USH1C: variants seen among roughly 807,000 people sequenced by gnomAD.
The protein encoded by USH1C is harmonin.
A neutral mutation model predicts 119.3 loss-of-function variants in USH1C; 90 were observed. That is an observed-to-expected ratio of 0.75 (90% confidence interval 0.64 to 0.90). USH1C has a LOEUF of 0.90. Among genes scored for constraint, USH1C ranks in the 40% least tolerant of loss-of-function variants. The probability of loss-of-function intolerance (pLI) is 0.00; values close to 1 mark genes in which losing one functional copy is unlikely to be tolerated. For synonymous variants in USH1C, 465 were observed against 443.3 expected (o/e 1.05, Z -0.62); for missense variants, 1,165 against 1,167.7 (o/e 1.00, Z 0.03).
At chr11:17,526,260 G>A (rs1203019625) in intron 8 of USH1C, 87 bp downstream of exon 8, 13 of 1,146,956 alleles carry the variant, frequency 1.1e-5, no homozygotes, top group Middle Eastern at 2.1e-4. Context: ...AGGTTTCCTC[G>A]GAAGTGGCAG....
chr11:17,519,026 A>G (rs1850291620), intron 14 of USH1C, among the ~76,000 whole-genome samples: 1 of 103,872 alleles, frequency 9.6e-6, no homozygotes, highest in Admixed American at 1.0e-4. Flanking sequence ...TGTCTCAAGA[A>G]AAAAAAAAAA....
At chr11:17,526,707 G>T in intron 7 of USH1C, 46 bp downstream of exon 7, 1 of 1,596,798 alleles carries the variant, frequency 6.3e-7, no homozygotes, top group Non-Finnish European at 8.6e-7. Context: ...ACCCCTCCTT[G>T]AAGATGACCC....
At position 17,523,522 on chromosome 11, in the gene USH1C, T is replaced by C. The variant is rs200118317; in HGVS notation, c.760-44A>G. On this transcript the variant is annotated intron_variant, in intron 9 of 26. Coordinates refer to ENST00000005226, the MANE Select transcript of USH1C (RefSeq NM_153676.4). ...AAGATTAGTGTGTTTGCGCTATCTG[T>C]ACACTCGCTCATCTGCAGGACAGGC... 1.7e-5 allele frequency: 27 copies of C among 1,601,638 alleles called. No homozygotes were observed. In the East Asian group the frequency reaches 6.0e-4, roughly 36 times the overall value.
chr11:17,515,675 A>G (rs1329648762), intron 15 of USH1C, among the ~76,000 whole-genome samples: 4 of 152,226 alleles, frequency 2.6e-5, no homozygotes, highest in Admixed American at 1.3e-4. Flanking sequence ...AGGCCTGGAG[A>G]TATTGTAATA....
chr11:17,504,274 G>A (rs1038116595), intron 20 of USH1C, among the ~76,000 whole-genome samples: 1 of 152,196 alleles, frequency 6.6e-6, no homozygotes, highest in Non-Finnish European at 1.5e-5. Context: ...AAGGTACAGG[G>A]AGACACCTAA....
At chr11:17,518,688 T>C (rs1380276009) in intron 14 of USH1C, among the ~76,000 whole-genome samples, 2 of 152,178 alleles carry the variant, frequency 1.3e-5, no homozygotes, top group African/African-American at 4.8e-5. Context: ...CTTCATTTTC[T>C]AGGTAAGAGA....
At chr11:17,511,773 G>T in intron 16 of USH1C, 129 bp downstream of exon 16, 1 of 1,120,250 alleles carries the variant, frequency 8.9e-7, no homozygotes, top group East Asian at 2.4e-5. Flanking sequence ...CTGGGGAGCA[G>T]GAAAGGGCTC....
chr11:17,536,613 T>C (rs1404770544), intron 1 of USH1C, among the ~76,000 whole-genome samples: 1 of 152,176 alleles, frequency 6.6e-6, no homozygotes, highest in Non-Finnish European at 1.5e-5. Flanking sequence ...CTGAGACAGC[T>C]GCAGAGCTCA....
chr11:17,518,924 G>A (rs1219203604), intron 14 of USH1C, among the ~76,000 whole-genome samples: 3 of 152,144 alleles, frequency 2.0e-5, no homozygotes, highest in Admixed American at 2.0e-4. Flanking sequence ...GAGGCTTTGA[G>A]GCAGGAGAAT....
intron 11 of USH1C, 110 bp from the exon 12 acceptor site, chr11:17,523,036 G>A: frequency 2.5e-6 from 4 of 1,584,934 alleles, no homozygotes; most frequent in Non-Finnish European, 3.5e-6. Context: ...ATCAGGCACT[G>A]CGGCTCCCGC....
rs1256576403 is a variant in USH1C at position 17,531,437 on chromosome 11, G to C, written c.210C>G (p.His70Gln). ...DAIRPLIPLK[H>Q]QVEYDQLTPR... ...GGGTCAGCTGATCATATTCCACCTG[G>C]TGCTTCAGTGGGATCAGCGGCCGAA... The change falls in exon 3 of 27, where the codon CAC becomes CAG. Residue 70 changes from histidine to glutamine, a missense_variant. Transcript: ENST00000005226. This position sits in a 1 kb window ranked among gnomAD's most constrained non-coding sequence, Gnocchi z 4.2. 6.2e-7 allele frequency: 1 copy of C among 1,614,022 alleles called. No individual in the cohort carries two copies. The highest frequency in any genetic ancestry group is 2.2e-5 in the East Asian group (1 of 44,864).
intron 1 of USH1C, among the ~76,000 whole-genome samples, chr11:17,543,918 C>A (rs2133972728): frequency 6.6e-6 from 1 of 152,342 alleles, no homozygotes; most frequent in East Asian, 1.9e-4. Flanking sequence ...CAGCCCTGAG[C>A]TGGGGGCACT....
Position 17,521,383 on chromosome 11 carries a change from C to T in USH1C, c.1048G>A (p.Ala350Thr). 1 of 1,614,194 alleles carries T rather than the reference C, an allele frequency of 6.2e-7. No homozygotes were observed. The highest frequency in any genetic ancestry group is 8.5e-7 in the Non-Finnish European group (1 of 1,180,038). Reference sequence around the variant, plus strand: ...TTCCGGTATCTCTCATTTTCCTCTGCTGCCTTCTGGGCAATTTCTTTTCTC... The same window carrying T: ...TTCCGGTATCTCTCATTTTCCTCTGTTGCCTTCTGGGCAATTTCTTTTCTC... ...QRRKEIAQKA[A>T]EENERYRKEM... Residue 350 changes from alanine (A) to threonine (T), a missense_variant, in exon 13 of 27, where the codon GCA becomes ACA. Physicochemically the swap from Ala to Thr is moderately conservative, Grantham distance 58. Coordinates refer to ENST00000005226, the MANE Select transcript of USH1C (RefSeq NM_153676.4).
chr11:17,496,942 A>AGGTGGG, intron 24 of USH1C, 129 bp from the exon 25 acceptor site: 10 of 1,022,680 alleles, frequency 9.8e-6, no homozygotes, highest in African/African-American at 1.6e-5. Flanking sequence ...CCACGGGCCC[A>AGGTGGG]CCTGGGGCCC....
intron 11 of USH1C, 36 bp from the exon 12 acceptor site, chr11:17,522,962 G>C (rs781657359): frequency 1.3e-6 from 2 of 1,599,224 alleles, no homozygotes; most frequent in Non-Finnish European, 8.5e-7. Context: ...CTCAGCCCCC[G>C]GGGAACCTGG....
chr11:17,537,585 T>C (rs906094441), intron 1 of USH1C, among the ~76,000 whole-genome samples: 4 of 152,184 alleles, frequency 2.6e-5, no homozygotes, highest in Non-Finnish European at 4.4e-5. Context: ...CTCCCCTTAG[T>C]TCACTTCCAA....
At chr11:17,524,611 G>A in intron 8 of USH1C, 76 bp from the exon 9 acceptor site, 1 of 1,503,690 alleles carries the variant, frequency 6.7e-7, no homozygotes, top group Non-Finnish European at 9.1e-7. Context: ...TCACTCATGA[G>A]CTGAGGACTG....
Position 17,531,534 on chromosome 11 carries a change from T to G in USH1C, c.113A>C (p.Asp38Ala), listed in dbSNP as rs1029936477. The G allele has an allele frequency of 1.2e-6, 2 of 1,613,130 alleles. No individual in the cohort carries two copies. Among genetic ancestry groups the G allele is most frequent in the Non-Finnish European group, 1.7e-6 (2 of 1,180,008 alleles). Residue 38 changes from aspartate (D) to alanine (A), a missense_variant, in exon 3 of 27, where the codon GAC (aspartate) becomes GCC (alanine). Asp to Ala is a moderately radical substitution (Grantham distance 126). Coordinates refer to ENST00000005226, the MANE Select transcript of USH1C (RefSeq NM_153676.4). This position sits in a 1 kb window ranked among gnomAD's most constrained non-coding sequence, Gnocchi z 4.2. ...CAGGTCTCCCACGAGCACGGCCACGTCCATGGTCCTGTGGAGATGCCGGGA... is the reference window on the plus strand; with the variant it reads ...CAGGTCTCCCACGAGCACGGCCACGGCCATGGTCCTGTGGAGATGCCGGGA... Reference protein sequence around the residue: ...DVLRMYHQTMDVAVLVGDLKL... With the variant: ...DVLRMYHQTMAVAVLVGDLKL...
At chr11:17,536,373 T>C (rs377401242) in intron 1 of USH1C, among the ~76,000 whole-genome samples, 1 of 152,244 alleles carries the variant, frequency 6.6e-6, no homozygotes, top group African/African-American at 2.4e-5. Flanking sequence ...CTGTCCTCCT[T>C]AGACCATGTT....
Sources: gnomAD v4.1 joint callset for allele counts (sites outside exome capture counted in the v4.1 genomes callset) on GRCh38, gnomAD v4.1.1 for gene constraint, Gnocchi (gnomAD v3.1) non-coding constraint, MANE v1.5 for transcripts, NCBI Gene and HGNC (gene_info 2026-07-23, HGNC 2026-07-21) for gene names.